The following CDC42SE2 variants were observed in gnomAD, a reference collection of about 807,000 sequenced individuals.
CDC42SE2 encodes CDC42 small effector protein 2.
In CDC42SE2, 3 loss-of-function variants were observed where a neutral mutation model predicts 11.5. The ratio of observed to expected loss-of-function variants is 0.26; its 90% confidence interval spans 0.12 to 0.67. The LOEUF (loss-of-function observed/expected upper bound fraction) is 0.67, where lower values mean the gene tolerates loss of function less well. CDC42SE2 is among the 30% of genes least tolerant of loss of function. The probability of loss-of-function intolerance (pLI) is 0.80; values close to 1 mark genes in which losing one functional copy is unlikely to be tolerated. For synonymous variants in CDC42SE2, 33 were observed against 34.8 expected (o/e 0.95, Z 0.18); for missense variants, 82 against 106.8 (o/e 0.77, Z 1.02).
intron 2 of CDC42SE2, among the ~76,000 whole-genome samples, chr5:131,341,310 C>T (rs73786654): frequency 0.017 from 2,596 of 152,226 alleles, 75 homozygotes; most frequent in African/African-American, 0.059. Context: ...GGAAATACAT[C>T]ACACACAAAG....
At chr5:131,380,450 C>T (rs771179903) in intron 3 of CDC42SE2, among the ~76,000 whole-genome samples, 17 of 152,094 alleles carry the variant, frequency 1.1e-4, no homozygotes, top group Non-Finnish European at 2.5e-4. Context: ...CCCAGCCACC[C>T]GTGACTATTA....
Position 131,341,953 on chromosome 5 carries a change from A to G in CDC42SE2, c.-285-17256A>G, listed in dbSNP as rs1758720864. Among the ~76,000 whole-genome samples the G allele has an allele frequency of 2.6e-5, 4 of 151,894 alleles. No homozygotes were observed. The South Asian group carries it at 8.3e-4, about 32-fold the overall frequency. ...AAGTAGTCTAAAAATTGATAATTTG[A>G]GAAGTAGCAATGGGCATCTTACTTA... is the stretch of plus-strand genomic sequence containing the variant. On this transcript the variant is annotated intron_variant, in intron 2 of 4. Coordinates refer to ENST00000505065, the MANE Select transcript of CDC42SE2 (RefSeq NM_001375635.1).
chr5:131,308,104 C>G (rs550413594), intron 1 of CDC42SE2, among the ~76,000 whole-genome samples: 1 of 152,238 alleles, frequency 6.6e-6, no homozygotes, highest in African/African-American at 2.4e-5. Flanking sequence ...TTTAATCCAT[C>G]TTGAATTGAT....
chr5:131,210,534 TA>T, the CDC42SE2 span, among the ~76,000 whole-genome samples: 3 of 152,364 alleles, frequency 2.0e-5, no homozygotes, highest in African/African-American at 7.2e-5. Flanking sequence ...AATAGTTTGG[TA>T]TAGAATTCCA....
At chr5:131,286,397 T>G (rs1047105213) in intron 1 of CDC42SE2, among the ~76,000 whole-genome samples, 1 of 149,464 alleles carries the variant, frequency 6.7e-6, no homozygotes, top group Non-Finnish European at 1.5e-5. Context: ...TTTTTTTTTT[T>G]TTTTTTTTTT....
chr5:131,291,897 C>T lies in CDC42SE2; in HGVS notation c.-454-24079C>T, dbSNP rs193288662. ...AAGTGGGGAGAAATTAGTTAGGAAA[C>T]CAGTCTGTTATGTTCTCTTGGAATT... is the stretch of plus-strand genomic sequence containing the variant. On this transcript the variant is annotated intron_variant, in intron 1 of 4. Coordinates refer to ENST00000505065, the MANE Select transcript of CDC42SE2 (RefSeq NM_001375635.1). Among the ~76,000 whole-genome samples the T allele has an allele frequency of 4.5e-3, 692 of 152,152 alleles. 8 individuals are homozygous for T. Among genetic ancestry groups the T allele is most frequent in the Non-Finnish European group, 6.8e-3 (464 of 67,998 alleles).
At chr5:131,280,006 T>A (rs948491158) in intron 1 of CDC42SE2, among the ~76,000 whole-genome samples, 1 of 152,160 alleles carries the variant, frequency 6.6e-6, no homozygotes, top group Non-Finnish European at 1.5e-5. Context: ...TGTCAAGGCT[T>A]CAGTGAGCTG....
chr5:131,234,577 A>T, the CDC42SE2 span, among the ~76,000 whole-genome samples: 3 of 151,510 alleles, frequency 2.0e-5, no homozygotes, highest in East Asian at 5.8e-4. Context: ...CAGAGGTTGC[A>T]GTGTGCCAAG....
rs2149788922 is a variant in CDC42SE2 at position 131,385,552 on chromosome 5, C to T, written c.64C>T (p.Arg22Trp). Residue 22 changes from arginine to tryptophan, a missense_variant, in exon 4 of 5, where the codon CGG (arginine) becomes TGG (tryptophan). Physicochemically the swap from Arg to Trp is moderately radical, Grantham distance 101. Transcript: ENST00000505065. ...IAEQPQPKRR[R>W]RIDRSMIGEP... ...GTTCCCCATATTTTAGAAAAGGCGA[C>T]GGCGGATTGACAGAAGTATGATTGG... 2 of 1,612,308 alleles carry T rather than the reference C, an allele frequency of 1.2e-6. No homozygotes were observed. Among genetic ancestry groups the T allele is most frequent in the Non-Finnish European group, 1.7e-6 (2 of 1,178,746 alleles).
At chr5:131,287,752 G>A (rs1757371474) in intron 1 of CDC42SE2, among the ~76,000 whole-genome samples, 2 of 152,130 alleles carry the variant, frequency 1.3e-5, no homozygotes, top group Admixed American at 6.5e-5. Context: ...GGAATTACAG[G>A]TGTGAAGCAC....
intron 1 of CDC42SE2, among the ~76,000 whole-genome samples, chr5:131,248,284 CGCAT>C (rs1756612645): frequency 6.6e-6 from 1 of 152,032 alleles, no homozygotes; most frequent in Admixed American, 6.5e-5. Flanking sequence ...GGACTGCAGG[CGCAT>C]GCCACCATGC....
At chr5:131,374,295 A>G (rs6877958) in intron 3 of CDC42SE2, among the ~76,000 whole-genome samples, 10,216 of 152,158 alleles carry the variant, frequency 0.067, 656 homozygotes, top group African/African-American at 0.17. Flanking sequence ...AGGTAAGCAA[A>G]CAACTTTGGG....
chr5:131,379,211 G>A (rs951138205), intron 3 of CDC42SE2, among the ~76,000 whole-genome samples: 2 of 152,124 alleles, frequency 1.3e-5, no homozygotes, highest in African/African-American at 4.8e-5. Flanking sequence ...TGTCCCAGAT[G>A]GCAAGTATTT....
At chr5:131,253,607 A>G (rs536859824) in intron 1 of CDC42SE2, among the ~76,000 whole-genome samples, 9 of 152,286 alleles carry the variant, frequency 5.9e-5, no homozygotes, top group African/African-American at 2.2e-4. Context: ...TCTATTAAAA[A>G]TACAAAAATT....
rs1194642698 is a variant in CDC42SE2, at chr5:131,392,079, A to C, written c.*988A>C. On this transcript the variant is annotated 3_prime_UTR_variant, in exon 5 of 5. Coordinates refer to ENST00000505065, the MANE Select transcript of CDC42SE2 (RefSeq NM_001375635.1). The stretch of plus-strand genomic sequence containing the variant: ...TTCTTTGGATTGTCACTGAATTTTC[A>C]ATGTTTAATCAGTATGGATCTGATC... The C allele has an allele frequency of 6.6e-6, 1 of 152,630 alleles. No homozygotes were observed. The highest frequency in any genetic ancestry group is 1.5e-5 in the Non-Finnish European group (1 of 68,034). 9.5% of individuals were successfully genotyped at this position (152,630 alleles called of 1,614,324 possible).
At chr5:131,296,468 G>C (rs1289984635) in intron 1 of CDC42SE2, among the ~76,000 whole-genome samples, 1 of 152,100 alleles carries the variant, frequency 6.6e-6, no homozygotes, top group East Asian at 1.9e-4. Flanking sequence ...AACCTGGAGG[G>C]GAAACCTTTC....
chr5:131,354,008 G>A (rs1475916453), intron 2 of CDC42SE2, among the ~76,000 whole-genome samples: 2 of 152,142 alleles, frequency 1.3e-5, no homozygotes, highest in Non-Finnish European at 1.5e-5. Flanking sequence ...GGGAGAAGGA[G>A]GCAGGCAGAT....
In CDC42SE2 at chr5:131,393,664, T is replaced by TATC. The variant is rs1242470852; in HGVS notation, c.*2575_*2577dup. 3 of 152,328 alleles carry TATC rather than the reference T, an allele frequency of 2.0e-5. No individual in the cohort carries two copies. The highest frequency in any genetic ancestry group is 4.4e-5 in the Non-Finnish European group (3 of 68,030). 9.4% of individuals were successfully genotyped at this position (152,328 alleles called of 1,614,324 possible). ...AAGAGAGATTGGATTTTCTTGGCAT[T>TATC]ATCAGCACTCATGCTATTTAGTCTA... On this transcript the variant is annotated 3_prime_UTR_variant, in exon 5 of 5. Coordinates refer to ENST00000505065, the MANE Select transcript of CDC42SE2 (RefSeq NM_001375635.1).
At chr5:131,310,873 C>G (rs1478650023) in intron 1 of CDC42SE2, among the ~76,000 whole-genome samples, 4 of 152,016 alleles carry the variant, frequency 2.6e-5, no homozygotes, top group Admixed American at 6.6e-5. Context: ...ATACAGCACA[C>G]TGATGGGTCT....
Sources: allele counts gnomAD v4.1 joint callset (sites outside exome capture counted in the v4.1 genomes callset), GRCh38; gene constraint gnomAD v4.1.1; transcripts MANE v1.5; gene names NCBI Gene and HGNC (gene_info 2026-07-23, HGNC 2026-07-21).